Variants in BTBD9 observed in about 807,000 individuals in gnomAD.
BTBD9 encodes BTB domain containing 9.
BTBD9 carries 49 observed loss-of-function variants against 64.3 expected under a neutral mutation model. The ratio of observed to expected loss-of-function variants is 0.76; its 90% confidence interval spans 0.61 to 0.97. The LOEUF (loss-of-function observed/expected upper bound fraction) is 0.97, where lower values mean the gene tolerates loss of function less well. Among genes scored for constraint, BTBD9 ranks in the 50% least tolerant of loss-of-function variants. The pLI, the probability that BTBD9 is intolerant of heterozygous loss-of-function variation, is 0.00. For missense variants in BTBD9, 598 were observed against 762.1 expected (o/e 0.78, Z 2.53); for synonymous variants, 260 against 274.7 (o/e 0.95, Z 0.53).
intron 6 of BTBD9, among the ~76,000 whole-genome samples, chr6:38,397,970 T>C (rs1171373530): frequency 6.6e-6 from 1 of 152,082 alleles, no homozygotes; most frequent in East Asian, 1.9e-4. Flanking sequence ...GAATATATAA[T>C]AGAGTAGAAG....
intron 6 of BTBD9, among the ~76,000 whole-genome samples, chr6:38,523,660 T>C (rs561552850): frequency 6.6e-6 from 1 of 152,332 alleles, no homozygotes; most frequent in African/African-American, 2.4e-5. Context: ...CACCATAAGT[T>C]CTTCCAACAA....
intron 6 of BTBD9, among the ~76,000 whole-genome samples, chr6:38,424,494 A>C (rs867640553): frequency 2.0e-5 from 3 of 151,918 alleles, no homozygotes; most frequent in Non-Finnish European, 4.4e-5. Flanking sequence ...ATGAGTTATA[A>C]AAGTTATAAA....
intron 6 of BTBD9, among the ~76,000 whole-genome samples, chr6:38,444,265 T>C (rs969932306): frequency 1.3e-5 from 2 of 152,202 alleles, no homozygotes; most frequent in African/African-American, 4.8e-5. Flanking sequence ...TCAGTCATGT[T>C]TGTGTTATTC....
At chr6:38,306,160 A>C (rs1214398689) in intron 7 of BTBD9, among the ~76,000 whole-genome samples, 4 of 152,226 alleles carry the variant, frequency 2.6e-5, no homozygotes, top group African/African-American at 9.6e-5. Flanking sequence ...ATCGTCTTTC[A>C]TATGCGTCTG....
chr6:38,382,558 G>A (rs1391513305), intron 6 of BTBD9, among the ~76,000 whole-genome samples: 1 of 148,098 alleles, frequency 6.8e-6, no homozygotes, highest in Non-Finnish European at 1.5e-5. Context: ...AACAGCAGTA[G>A]AAAAAGGAAA....
chr6:38,199,939 C>G (rs1489642694), intron 9 of BTBD9, among the ~76,000 whole-genome samples: 1 of 152,212 alleles, frequency 6.6e-6, no homozygotes, highest in Admixed American at 6.5e-5. Flanking sequence ...CTACCATCCT[C>G]GAGGCTTGGG....
At chr6:38,488,196 C>G (rs911216075) in intron 6 of BTBD9, among the ~76,000 whole-genome samples, 2 of 152,068 alleles carry the variant, frequency 1.3e-5, no homozygotes, top group Non-Finnish European at 2.9e-5. Flanking sequence ...AGCTATCCTC[C>G]CACTTCGGCC....
At chr6:38,361,982 G>T (rs1486456888) in intron 6 of BTBD9, among the ~76,000 whole-genome samples, 2 of 152,020 alleles carry the variant, frequency 1.3e-5, no homozygotes, top group African/African-American at 2.4e-5. Flanking sequence ...CAATGTAGAG[G>T]ACCCAACACA....
At chr6:38,511,109 GCT>G (rs1308642774) in intron 6 of BTBD9, among the ~76,000 whole-genome samples, 2 of 152,056 alleles carry the variant, frequency 1.3e-5, no homozygotes, top group Non-Finnish European at 2.9e-5. Context: ...GGATTTCTCA[GCT>G]CCTTTATGGG....
At chr6:38,380,511 T>G (rs1271772584) in intron 6 of BTBD9, among the ~76,000 whole-genome samples, 3 of 152,148 alleles carry the variant, frequency 2.0e-5, no homozygotes, top group Non-Finnish European at 4.4e-5. Flanking sequence ...GGGAAATAAC[T>G]CTCTTCTAAC....
At chr6:38,179,233 A>G (rs541806333) in intron 10 of BTBD9, 172 of 341,854 alleles carry the variant, frequency 5.0e-4, no homozygotes, top group Non-Finnish European at 8.8e-4. Flanking sequence ...ACAAATTCAA[A>G]TAACAAGTAT....
chr6:38,329,808 C>T (rs552868989), intron 7 of BTBD9, among the ~76,000 whole-genome samples: 3 of 151,938 alleles, frequency 2.0e-5, no homozygotes, highest in East Asian at 2.0e-4. Flanking sequence ...AAAAAACTAG[C>T]GGGGCGTGAT....
At chr6:38,616,682 AAG>A (rs1487792413) in intron 1 of BTBD9, among the ~76,000 whole-genome samples, 1 of 152,136 alleles carries the variant, frequency 6.6e-6, no homozygotes, top group African/African-American at 2.4e-5. Context: ...GAGGACTGAA[AAG>A]AGCGCGCTTT....
intron 6 of BTBD9, among the ~76,000 whole-genome samples, chr6:38,435,179 G>A (rs1297191137): frequency 7.4e-6 from 1 of 134,260 alleles, no homozygotes; most frequent in African/African-American, 2.8e-5. Context: ...GGGCAACAGA[G>A]CAAGACTCTG....
chr6:38,637,841 T>G (rs925676523), intron 1 of BTBD9, among the ~76,000 whole-genome samples: 1 of 152,182 alleles, frequency 6.6e-6, no homozygotes, highest in Non-Finnish European at 1.5e-5. Flanking sequence ...GGATAACACT[T>G]ATTCTTGTCA....
At chr6:38,512,813 T>G (rs1386561732) in intron 6 of BTBD9, among the ~76,000 whole-genome samples, 1 of 152,222 alleles carries the variant, frequency 6.6e-6, no homozygotes, top group Non-Finnish European at 1.5e-5. Context: ...GCTATTATAT[T>G]GATAGAATTT....
intron 6 of BTBD9, among the ~76,000 whole-genome samples, chr6:38,385,469 C>T (rs1237138204): frequency 6.6e-6 from 1 of 152,018 alleles, no homozygotes; most frequent in Non-Finnish European, 1.5e-5. Flanking sequence ...GGATTATAGG[C>T]GTGAGCCACC....
intron 7 of BTBD9, among the ~76,000 whole-genome samples, chr6:38,298,026 T>G (rs956031793): frequency 6.6e-6 from 1 of 151,602 alleles, no homozygotes. Flanking sequence ...TTTTATATAT[T>G]TTTTATTTTT....
At chr6:38,406,782 A>T (rs1767183942) in intron 6 of BTBD9, among the ~76,000 whole-genome samples, 1 of 152,220 alleles carries the variant, frequency 6.6e-6, no homozygotes, top group Non-Finnish European at 1.5e-5. Flanking sequence ...GCTGGAGTGC[A>T]GTGCCTATTC....
Sources: gnomAD v4.1 joint callset for allele counts (sites outside exome capture counted in the v4.1 genomes callset) on GRCh38, gnomAD v4.1.1 for gene constraint, MANE v1.5 for transcripts, NCBI Gene and HGNC (gene_info 2026-07-23, HGNC 2026-07-21) for gene names.